Variants in ZIM2 observed in about 807,000 individuals in gnomAD.
ZIM2 encodes the protein zinc finger protein 656.
In ZIM2, 14 loss-of-function variants were observed where a neutral mutation model predicts 38.6. That is an observed-to-expected ratio of 0.36 (90% CI 0.24 to 0.57). The LOEUF (loss-of-function observed/expected upper bound fraction) is 0.57. Among genes scored for constraint, ZIM2 ranks in the 20% least tolerant of loss-of-function variants. The pLI is 0.81. For missense variants in ZIM2, 680 were observed against 695.1 expected, an observed-to-expected ratio of 0.98 and a Z score of 0.24; for synonymous variants, 247 against 245.8, an observed-to-expected ratio of 1.00 and a Z score of -0.04.
At chr19:56,816,418 C>T (rs371769465) in intron 9 of ZIM2, 125 of 1,613,814 alleles carry the variant, frequency 7.7e-5, no homozygotes, top group African/African-American at 1.7e-4. Context: ...AGTTTTCTGA[C>T]GCCTTTTAAG....
chr19:56,811,664 T>A (rs545673608), intron 9 of ZIM2: 9 of 985,396 alleles, frequency 9.1e-6, no homozygotes, highest in Non-Finnish European at 1.1e-5. Flanking sequence ...CAACACTGAT[T>A]CTCGTTTCAA....
chr19:56,825,885 T>C (rs2060976971), intron 3 of ZIM2, among the ~76,000 whole-genome samples: 1 of 152,218 alleles, frequency 6.6e-6, no homozygotes, highest in Admixed American at 6.5e-5. Flanking sequence ...ACATTATCAC[T>C]TGCAAATCAA....
intron 9 of ZIM2, among the ~76,000 whole-genome samples, chr19:56,802,590 T>C (rs2047577712): frequency 6.6e-6 from 1 of 152,194 alleles, no homozygotes; most frequent in South Asian, 2.1e-4. Flanking sequence ...TACTCTATGG[T>C]CCACTCTGCC....
intron 2 of ZIM2, among the ~76,000 whole-genome samples, chr19:56,827,975 T>C (rs531734434): frequency 2.6e-3 from 399 of 152,344 alleles, no homozygotes; most frequent in African/African-American, 9.0e-3. Context: ...TACTTTTTCA[T>C]TGTATATTCT....
rs146296181 is a variant in ZIM2, at chr19:56,814,257, A to G, written c.490+3489T>C. 303 of 1,611,972 alleles carry G rather than the reference A, an allele frequency of 1.9e-4. No individual in the cohort carries two copies. The highest frequency in any genetic ancestry group is 1.4e-3 in the African/African-American group (103 of 74,938). On this transcript the variant is annotated intron_variant, in intron 9 of 12. Transcript: ENST00000629319. This position sits in a 1 kb window ranked among gnomAD's most constrained non-coding sequence, Gnocchi z 5.8. ...GCTCGGCAGCCTCCACTTCTGGCTC[A>G]GCAGCCTCTACGTTTAAGCCCTGAA...
At chr19:56,833,654 G>T in intron 2 of ZIM2, 1 of 173,368 alleles carries the variant, frequency 5.8e-6, no homozygotes, top group Admixed American at 5.5e-5. Context: ...TTTCCAGGTG[G>T]GATGACTCAG....
chr19:56,832,791 A>G (rs1907771297), intron 2 of ZIM2, among the ~76,000 whole-genome samples: 1 of 152,218 alleles, frequency 6.6e-6, no homozygotes, highest in South Asian at 2.1e-4. Context: ...TCTTTACACT[A>G]GATGTCTAAA....
Position 56,824,352 on chromosome 19 carries a change from G to C in ZIM2, c.-75C>G, listed in dbSNP as rs777558914. 2 of 1,614,014 alleles carry C rather than the reference G, an allele frequency of 1.2e-6. No individual in the cohort carries two copies. Among genetic ancestry groups the C allele is most frequent in the African/African-American group, 2.7e-5 (2 of 74,900 alleles). ...TTTTTTGCTCGCACCCAAGGCTTGA[G>C]CTTTTCAGGGATGATGGTCAGGTAC... is the stretch of plus-strand genomic sequence containing the variant. On this transcript the variant is annotated 5_prime_UTR_variant, in exon 4 of 13. Coordinates refer to ENST00000629319, the MANE Select transcript of ZIM2 (RefSeq NM_001387356.1).
chr19:56,813,709 G>A (rs1327890443), intron 9 of ZIM2: 2 of 1,613,982 alleles, frequency 1.2e-6, no homozygotes, highest in South Asian at 1.1e-5. Flanking sequence ...TCTGGCGAGG[G>A]ACAGGCGGTC....
At chr19:56,830,901 T>G (rs888805828) in intron 2 of ZIM2, among the ~76,000 whole-genome samples, 2 of 151,880 alleles carry the variant, frequency 1.3e-5, no homozygotes, top group Non-Finnish European at 2.9e-5. Flanking sequence ...CATTCCAGCC[T>G]GGGTGACAGA....
At chr19:56,789,291 G>T (rs1162887979) in intron 10 of ZIM2, among the ~76,000 whole-genome samples, 4 of 152,178 alleles carry the variant, frequency 2.6e-5, no homozygotes, top group African/African-American at 9.7e-5. Flanking sequence ...TTTGGATGTT[G>T]TGTATATTTA....
At chr19:56,802,586 A>G (rs927312396) in intron 9 of ZIM2, among the ~76,000 whole-genome samples, 1 of 152,194 alleles carries the variant, frequency 6.6e-6, no homozygotes, top group Non-Finnish European at 1.5e-5. Context: ...CTTATACTCT[A>G]TGGTCCACTC....
chr19:56,815,596 G>T, intron 9 of ZIM2: 3 of 1,614,088 alleles, frequency 1.9e-6, no homozygotes, highest in Non-Finnish European at 2.5e-6. Context: ...AATTACAGAG[G>T]TCTCATTGCT....
At chr19:56,824,942 A>G in intron 3 of ZIM2, 1 of 336,242 alleles carries the variant, frequency 3.0e-6, no homozygotes, top group Non-Finnish European at 5.5e-6. Context: ...TCGAGGAGTT[A>G]GCTCGGCTAC....
chr19:56,835,171 G>A (rs568807574), intron 2 of ZIM2, among the ~76,000 whole-genome samples: 3 of 152,060 alleles, frequency 2.0e-5, no homozygotes, highest in East Asian at 1.9e-4. Context: ...CACCCACTGC[G>A]TCCACCCTCC....
At chr19:56,812,918 A>T in intron 9 of ZIM2, 1 of 985,816 alleles carries the variant, frequency 1.0e-6, no homozygotes, top group Non-Finnish European at 1.2e-6. Flanking sequence ...GGGTCACAAA[A>T]AGCCAATCCG....
At chr19:56,782,475 T>C in intron 10 of ZIM2, 1 of 458,262 alleles carries the variant, frequency 2.2e-6, no homozygotes, top group Non-Finnish European at 4.4e-6. Flanking sequence ...GTCCCACCTG[T>C]AAAACAAAGT....
chr19:56,798,131 T>A (rs895076482), intron 9 of ZIM2: 1 of 152,216 alleles, frequency 6.6e-6, no homozygotes, highest in South Asian at 2.1e-4. Context: ...AAAACTGCCA[T>A]GAAGACTGCT....
intron 10 of ZIM2, among the ~76,000 whole-genome samples, chr19:56,786,495 C>T (rs2046611805): frequency 6.6e-6 from 1 of 152,148 alleles, no homozygotes. Context: ...TTGATGATTT[C>T]ATTAAACTAT....
Sources: allele counts gnomAD v4.1 joint callset (sites outside exome capture counted in the v4.1 genomes callset), GRCh38; gene constraint gnomAD v4.1.1; non-coding constraint Gnocchi (gnomAD v3.1); transcripts MANE v1.5; gene names NCBI Gene and HGNC (gene_info 2026-07-23, HGNC 2026-07-21).